The following MAP2K5 variants were observed in gnomAD, a reference collection of about 807,000 sequenced individuals.
The protein encoded by MAP2K5 is dual specificity mitogen-activated protein kinase kinase 5.
A neutral mutation model predicts 83.1 loss-of-function variants in MAP2K5; 49 were observed. That is an observed-to-expected ratio of 0.59 (90% CI 0.47 to 0.75). MAP2K5 has a LOEUF of 0.75. Among genes scored for constraint, MAP2K5 ranks in the 30% least tolerant of loss-of-function variants. The pLI, the probability that MAP2K5 is intolerant of heterozygous loss-of-function variation, is 0.00. For missense variants in MAP2K5, 457 were observed against 557.5 expected, an observed-to-expected ratio of 0.82 and a Z score of 1.82; for synonymous variants, 202 against 191.8, an observed-to-expected ratio of 1.05 and a Z score of -0.44.
chr15:67,691,816 C>T (rs2088121354), intron 13 of MAP2K5, among the ~76,000 whole-genome samples: 1 of 152,130 alleles, frequency 6.6e-6, no homozygotes, highest in Non-Finnish European at 1.5e-5. Context: ...TTAACTATAA[C>T]AGCAGCCAAA....
chr15:67,657,582 C>T (rs2087116455), intron 11 of MAP2K5, among the ~76,000 whole-genome samples: 1 of 151,502 alleles, frequency 6.6e-6, no homozygotes, highest in African/African-American at 2.4e-5. Flanking sequence ...CCAGTAGCAC[C>T]GAGAGCCAAA....
intron 21 of MAP2K5, among the ~76,000 whole-genome samples, chr15:67,784,240 G>A (rs1166843036): frequency 6.6e-6 from 1 of 152,278 alleles, no homozygotes; most frequent in Non-Finnish European, 1.5e-5. Flanking sequence ...ACACAGCCAG[G>A]AAAAACACAG....
chr15:67,788,025 G>A (rs929509660), intron 21 of MAP2K5, among the ~76,000 whole-genome samples: 7 of 152,206 alleles, frequency 4.6e-5, no homozygotes, highest in Admixed American at 6.5e-5. Flanking sequence ...GCACAGCACC[G>A]TCCTAAGGTG....
rs2090198548 is a variant in MAP2K5, at chr15:67,774,251, T to C, written c.1242+1499T>C. Among the ~76,000 whole-genome samples, 1 of 152,136 alleles carries C rather than the reference T, an allele frequency of 6.6e-6. No homozygotes were observed. Among genetic ancestry groups the C allele is most frequent in the African/African-American group, 2.4e-5 (1 of 41,432 alleles). ...TATCTCTTTACAACTCTATACCCTG[T>C]TGTGTGCTGTCCCACATTTTAAATT... On this transcript the variant is annotated intron_variant, in intron 21 of 21. Coordinates refer to ENST00000178640, the MANE Select transcript of MAP2K5 (RefSeq NM_145160.3). This position sits in a 1 kb window ranked among gnomAD's most constrained non-coding sequence, Gnocchi z 4.9.
In MAP2K5 at chr15:67,698,376, T is replaced by TG. The variant is rs950963347; in HGVS notation, c.972+4814dup. Among the ~76,000 whole-genome samples, 3 of 151,840 alleles carry TG rather than the reference T, an allele frequency of 2.0e-5. No individual in the cohort carries two copies. The highest frequency in any genetic ancestry group is 4.8e-5 in the African/African-American group (2 of 41,330). On this transcript the variant is annotated intron_variant, in intron 15 of 21. Coordinates refer to ENST00000178640, the MANE Select transcript of MAP2K5 (RefSeq NM_145160.3). The surrounding 1 kb of genome is among the most constrained non-coding windows in gnomAD (Gnocchi z 4.5). ...CTAATTTTTGTATTTTTAGTAGAGA[T>TG]GGGGGGTTGCGCCATGTTGGCCATG...
intron 13 of MAP2K5, among the ~76,000 whole-genome samples, chr15:67,671,060 A>G (rs989206339): frequency 3.3e-5 from 5 of 152,228 alleles, no homozygotes; most frequent in Non-Finnish European, 7.3e-5. Flanking sequence ...GACCCCAGAA[A>G]GGCAGATCAC....
chr15:67,590,575 C>A (rs2085385067), intron 6 of MAP2K5, among the ~76,000 whole-genome samples: 1 of 152,010 alleles, frequency 6.6e-6, no homozygotes, highest in Admixed American at 6.5e-5. Flanking sequence ...CCTCAAGTGA[C>A]CCGAGTAGCT....
Position 67,758,342 on chromosome 15 carries a change from T to C in MAP2K5, c.1134+9741T>C, listed in dbSNP as rs2089880101. Among the ~76,000 whole-genome samples the C allele has an allele frequency of 6.6e-6, 1 of 152,104 alleles. No individual in the cohort carries two copies. Among genetic ancestry groups the C allele is most frequent in the African/African-American group, 2.4e-5 (1 of 41,418 alleles). On this transcript the variant is annotated intron_variant, in intron 19 of 21. Transcript: ENST00000178640. This position sits in a 1 kb window ranked among gnomAD's most constrained non-coding sequence, Gnocchi z 4.7. ...GGGATGAATCTCAGGGCTTGGGCAG[T>C]CAGGTGCATGGTGGTACTCTCCTGA...
rs1314339835 is a variant in MAP2K5 at position 67,790,540 on chromosome 15, T to C, written c.1243-16106T>C. Among the ~76,000 whole-genome samples the C allele has an allele frequency of 6.6e-6, 1 of 152,200 alleles. No individual in the cohort carries two copies. The highest frequency in any genetic ancestry group is 1.5e-5 in the Non-Finnish European group (1 of 68,044). On this transcript the variant is annotated intron_variant, in intron 21 of 21. Coordinates refer to ENST00000178640, the MANE Select transcript of MAP2K5 (RefSeq NM_145160.3). The surrounding 1 kb of genome is among the most constrained non-coding windows in gnomAD (Gnocchi z 4.6). ...GATTCCTTTTTTCTATTTTGTGGTTTAGTTACATGGAATTCTAAACCCAGA... is the reference window on the plus strand; with the variant it reads ...GATTCCTTTTTTCTATTTTGTGGTTCAGTTACATGGAATTCTAAACCCAGA...
chr15:67,649,530 A>T (rs1417362069), intron 11 of MAP2K5, among the ~76,000 whole-genome samples: 3 of 152,046 alleles, frequency 2.0e-5, no homozygotes, highest in African/African-American at 7.2e-5. Flanking sequence ...TAGGGGTCCA[A>T]ATTTATTCGT....
chr15:67,676,817 T>C lies in MAP2K5; in HGVS notation c.847+12172T>C, dbSNP rs2087695198. 6.6e-6 allele frequency among the ~76,000 whole-genome samples: 1 copy of C among 152,132 alleles called. No homozygotes were observed. Among genetic ancestry groups the C allele is most frequent in the South Asian group, 2.1e-4 (1 of 4,830 alleles). On this transcript the variant is annotated intron_variant, in intron 13 of 21. Transcript: ENST00000178640. This position sits in a 1 kb window ranked among gnomAD's most constrained non-coding sequence, Gnocchi z 4.8. The stretch of plus-strand genomic sequence containing the variant: ...TAGGAAAAGTCATAGGAAAAAGTCA[T>C]AGGAAAGTGGTTGGTGGCCTAATGG...
intron 3 of MAP2K5, among the ~76,000 whole-genome samples, chr15:67,574,273 G>A (rs769302369): frequency 6.6e-6 from 1 of 152,046 alleles, no homozygotes; most frequent in Non-Finnish European, 1.5e-5. Flanking sequence ...AGGATGTCAA[G>A]TTAATAAAAT....
chr15:67,583,968 C>T (rs2085237595), intron 4 of MAP2K5, among the ~76,000 whole-genome samples: 1 of 145,572 alleles, frequency 6.9e-6, no homozygotes, highest in African/African-American at 2.7e-5. Context: ...AGGCTGGTGT[C>T]AAACTCCTGA....
chr15:67,740,213 T>C (rs535746363), intron 17 of MAP2K5, among the ~76,000 whole-genome samples: 2 of 152,314 alleles, frequency 1.3e-5, no homozygotes, highest in South Asian at 4.1e-4. Context: ...GAGTCTAGTA[T>C]AGCGCCTGGC....
In MAP2K5 at chr15:67,749,263, T is replaced by C. The variant is rs1190239420; in HGVS notation, c.1134+662T>C. ...CCTTTCTCTCTCAATCGACTTTGTC[T>C]ACTTCTTATTCTGACTTTAAATTCC... On this transcript the variant is annotated intron_variant, in intron 19 of 21. Transcript: ENST00000178640. The surrounding 1 kb of genome is among the most constrained non-coding windows in gnomAD (Gnocchi z 4.6). 6.6e-6 allele frequency among the ~76,000 whole-genome samples: 1 copy of C among 152,232 alleles called. No homozygotes were observed. The highest frequency in any genetic ancestry group is 1.9e-4 in the East Asian group (1 of 5,204).
rs1209285480 is a variant in MAP2K5, at chr15:67,658,534, G to T, written c.737-19G>T. 2 of 1,599,094 alleles carry T rather than the reference G, an allele frequency of 1.3e-6. No individual in the cohort carries two copies. The highest frequency in any genetic ancestry group is 1.7e-6 in the Non-Finnish European group (2 of 1,167,004). On this transcript the variant is annotated intron_variant, in intron 11 of 21. Coordinates refer to ENST00000178640, the MANE Select transcript of MAP2K5 (RefSeq NM_145160.3). ...CTGGTAATTTCATTTGTAGTAACAT[G>T]GCATGTTTATCTCTACAGGGGGATC...
Position 67,555,602 on chromosome 15 carries a change from C to T in MAP2K5, c.184+5520C>T, listed in dbSNP as rs2084608435. Among the ~76,000 whole-genome samples, 1 of 152,192 alleles carries T rather than the reference C, an allele frequency of 6.6e-6. No homozygotes were observed. The highest frequency in any genetic ancestry group is 6.5e-5 in the Admixed American group (1 of 15,276). ...AAAAGGTAGAACCAATCTACACTCA[C>T]ACCAACAAGGTATGAGAAGGCCCAT... On this transcript the variant is annotated intron_variant, in intron 2 of 21. Coordinates refer to ENST00000178640, the MANE Select transcript of MAP2K5 (RefSeq NM_145160.3). The surrounding 1 kb of genome is among the most constrained non-coding windows in gnomAD (Gnocchi z 5.2).
At chr15:67,754,386 C>G (rs2089785644) in intron 19 of MAP2K5, among the ~76,000 whole-genome samples, 1 of 152,162 alleles carries the variant, frequency 6.6e-6, no homozygotes, top group Non-Finnish European at 1.5e-5. Flanking sequence ...AAACCACATT[C>G]CATTTCGTAG....
chr15:67,725,188 G>A lies in MAP2K5; in HGVS notation c.1045-2728G>A, dbSNP rs149617736. Among the ~76,000 whole-genome samples the A allele has an allele frequency of 2.8e-4, 42 of 152,268 alleles. 1 individual carries two copies. Among genetic ancestry groups the A allele is most frequent in the Admixed American group, 2.1e-3 (32 of 15,286 alleles). ...AACTGCACTAAATTTTCTCTCTGTTGTCTTGCATGGCATTGTCTTACAGAG... is the reference window on the plus strand; with the variant it reads ...AACTGCACTAAATTTTCTCTCTGTTATCTTGCATGGCATTGTCTTACAGAG... On this transcript the variant is annotated intron_variant, in intron 16 of 21. Coordinates refer to ENST00000178640, the MANE Select transcript of MAP2K5 (RefSeq NM_145160.3).
Sources: allele counts gnomAD v4.1 joint callset (sites outside exome capture counted in the v4.1 genomes callset), GRCh38; gene constraint gnomAD v4.1.1; non-coding constraint Gnocchi (gnomAD v3.1); transcripts MANE v1.5; gene names NCBI Gene and HGNC (gene_info 2026-07-23, HGNC 2026-07-21).